MTUS2: variants seen among roughly 807,000 people sequenced by gnomAD.
MTUS2 encodes microtubule associated scaffold protein 2, also known as microtubule-associated tumor suppressor candidate 2.
MTUS2 carries 40 observed loss-of-function variants against 114.1 expected under a neutral mutation model. That is an observed-to-expected ratio of 0.35 (90% confidence interval 0.27 to 0.46). MTUS2 has a LOEUF of 0.46. Ranked by LOEUF, MTUS2 falls within the 20% of genes least tolerant of loss-of-function variation. MTUS2 has a pLI of 1.00. For synonymous variants in MTUS2, 688 were observed against 672.0 expected (o/e 1.02, Z -0.37); for missense variants, 1,679 against 1,705.4 (o/e 0.98, Z 0.27).
At chr13:29,135,881 C>T (rs907921739) in intron 5 of MTUS2, among the ~76,000 whole-genome samples, 3 of 151,888 alleles carry the variant, frequency 2.0e-5, no homozygotes, top group African/African-American at 7.3e-5. Context: ...GTTGTGTGTC[C>T]AAAAACATAA....
intron 5 of MTUS2, among the ~76,000 whole-genome samples, chr13:29,101,560 C>A (rs1890419682): frequency 6.6e-6 from 1 of 152,138 alleles, no homozygotes; most frequent in African/African-American, 2.4e-5. Context: ...GAATGAATAA[C>A]CTGCAGAGCA....
intron 8 of MTUS2, among the ~76,000 whole-genome samples, chr13:29,437,990 A>G (rs1877541602): frequency 6.6e-6 from 1 of 152,110 alleles, no homozygotes; most frequent in African/African-American, 2.4e-5. Context: ...CAAATTCTAA[A>G]TGCATTTAGA....
At chr13:29,376,273 T>C (rs1871738887) in intron 8 of MTUS2, among the ~76,000 whole-genome samples, 1 of 152,124 alleles carries the variant, frequency 6.6e-6, no homozygotes, top group African/African-American at 2.4e-5. Flanking sequence ...AGATAATGAC[T>C]ACATGTGGAG....
chr13:29,191,144 G>T (rs537410948), intron 5 of MTUS2, among the ~76,000 whole-genome samples: 127 of 152,118 alleles, frequency 8.3e-4, no homozygotes, highest in Middle Eastern at 3.4e-3. Context: ...TGCCCAAGTT[G>T]TATTCATTTT....
rs1362833291 is a variant in MTUS2, at chr13:29,202,846, CA to C, written c.2645-78857del. Among the ~76,000 whole-genome samples, 37 of 152,320 alleles carry C rather than the reference CA, an allele frequency of 2.4e-4. 1 individual carries two copies. Among genetic ancestry groups the C allele is most frequent in the Non-Finnish European group, 2.9e-5 (2 of 68,036 alleles). On this transcript the variant is annotated intron_variant, in intron 5 of 15. Coordinates refer to ENST00000612955, the MANE Select transcript of MTUS2 (RefSeq NM_001033602.4). ...GGTATCACCAGCGGAGGCTGCAGAA[CA>C]GCAAAGATTGCTGCCTGTTCCTTCC...
intron 2 of MTUS2, among the ~76,000 whole-genome samples, chr13:28,906,523 A>T (rs1880026229): frequency 6.6e-6 from 1 of 151,558 alleles, no homozygotes; most frequent in African/African-American, 2.4e-5. Flanking sequence ...CCCAGTAGTC[A>T]TTCAGGAGCT....
chr13:28,875,754 T>G (rs1207601208), intron 2 of MTUS2, among the ~76,000 whole-genome samples: 1 of 152,130 alleles, frequency 6.6e-6, no homozygotes, highest in African/African-American at 2.4e-5. Flanking sequence ...TAAAAAATGG[T>G]TTCTATTTAT....
intron 5 of MTUS2, among the ~76,000 whole-genome samples, chr13:29,203,531 C>T (rs934747372): frequency 2.3e-4 from 34 of 146,254 alleles, no homozygotes; most frequent in African/African-American, 3.9e-4. Flanking sequence ...GGTTTTGTCT[C>T]GCTGATGTTC....
intron 5 of MTUS2, among the ~76,000 whole-genome samples, chr13:29,130,760 G>A (rs1431488633): frequency 6.6e-6 from 1 of 152,054 alleles, no homozygotes; most frequent in Non-Finnish European, 1.5e-5. Context: ...CAAGTAGCTG[G>A]GACTACAGGC....
intron 3 of MTUS2, among the ~76,000 whole-genome samples, chr13:29,031,903 G>A (rs535626810): frequency 6.0e-4 from 92 of 152,164 alleles, no homozygotes; most frequent in Non-Finnish European, 8.7e-4. Flanking sequence ...CAAATAGGAA[G>A]AGGGACAGCC....
rs140188016 is a variant in MTUS2 at position 29,086,480 on chromosome 13, G to C, written c.2447-14293G>C. ...CTTCTTTAACCTGTTCCACTGGTCT[G>C]TGTGTTTGTTTTTGTACCAGTACCA... On this transcript the variant is annotated intron_variant, in intron 4 of 15. Transcript: ENST00000612955. 5.5e-3 allele frequency among the ~76,000 whole-genome samples: 840 copies of C among 152,136 alleles called. 9 individuals are homozygous for C. The highest frequency in any genetic ancestry group is 0.019 in the African/African-American group (801 of 41,530).
intron 5 of MTUS2, among the ~76,000 whole-genome samples, chr13:29,256,455 C>T (rs572833719): frequency 4.5e-4 from 68 of 152,294 alleles, no homozygotes; most frequent in Non-Finnish European, 7.1e-4. Context: ...CAGAGAGGGG[C>T]GTGGGCTGAG....
intron 5 of MTUS2, among the ~76,000 whole-genome samples, chr13:29,263,419 A>G (rs1409936299): frequency 1.3e-5 from 2 of 152,026 alleles, no homozygotes; most frequent in Non-Finnish European, 2.9e-5. Context: ...AGAAGTTAAT[A>G]TTTTCTCTGG....
intron 2 of MTUS2, among the ~76,000 whole-genome samples, chr13:28,857,132 A>C (rs1876683282): frequency 6.6e-6 from 1 of 152,198 alleles, no homozygotes; most frequent in Non-Finnish European, 1.5e-5. Flanking sequence ...GTTAAATTTA[A>C]TTTACAGTAG....
intron 11 of MTUS2, among the ~76,000 whole-genome samples, 158 bp from the exon 12 acceptor site, chr13:29,492,488 A>G (rs1882259861): frequency 6.6e-6 from 1 of 151,964 alleles, no homozygotes; most frequent in Non-Finnish European, 1.5e-5. Flanking sequence ...GTCATGACAT[A>G]CAATTTCAAA....
intron 6 of MTUS2, chr13:29,307,162 C>A: frequency 4.0e-6 from 2 of 495,836 alleles, no homozygotes; most frequent in Non-Finnish European, 3.8e-6. Context: ...TGCCAACACC[C>A]TGATGTTCGT....
intron 2 of MTUS2, among the ~76,000 whole-genome samples, chr13:28,970,866 A>ACT (rs1408393053): frequency 6.6e-6 from 1 of 152,094 alleles, no homozygotes; most frequent in Non-Finnish European, 1.5e-5. Flanking sequence ...ACCAGAGGAG[A>ACT]CGCCGCACTC....
At chr13:29,494,828 C>T (rs1397511151) in intron 12 of MTUS2, among the ~76,000 whole-genome samples, 1 of 152,048 alleles carries the variant, frequency 6.6e-6, no homozygotes, top group Non-Finnish European at 1.5e-5. Context: ...CACCTGAGGT[C>T]AGGACTTCAA....
At chr13:29,092,913 C>A (rs1890026222) in intron 4 of MTUS2, among the ~76,000 whole-genome samples, 1 of 152,174 alleles carries the variant, frequency 6.6e-6, no homozygotes, top group African/African-American at 2.4e-5. Flanking sequence ...AGAATGCTGG[C>A]TCAGGATTTT....
Sources: gnomAD v4.1 joint callset for allele counts (sites outside exome capture counted in the v4.1 genomes callset) on GRCh38, gnomAD v4.1.1 for gene constraint, MANE v1.5 for transcripts, NCBI Gene and HGNC (gene_info 2026-07-23, HGNC 2026-07-21) for gene names.